The following BTBD9 variants were observed in gnomAD, a reference collection of about 807,000 sequenced individuals.
The protein encoded by BTBD9 is BTB/POZ domain-containing protein 9.
A neutral mutation model predicts 64.3 loss-of-function variants in BTBD9; 49 were observed. That is an observed-to-expected ratio of 0.76 (90% confidence interval 0.61 to 0.97). The LOEUF (loss-of-function observed/expected upper bound fraction) is 0.97. Among genes scored for constraint, BTBD9 ranks in the 50% least tolerant of loss-of-function variants. The pLI, the probability that BTBD9 is intolerant of heterozygous loss-of-function variation, is 0.00. For synonymous variants in BTBD9, 260 were observed against 274.7 expected (o/e 0.95, Z 0.53); for missense variants, 598 against 762.1 (o/e 0.78, Z 2.53).
At chr6:38,620,772 T>A (rs1237777131) in intron 1 of BTBD9, among the ~76,000 whole-genome samples, 1 of 152,130 alleles carries the variant, frequency 6.6e-6, no homozygotes, top group African/African-American at 2.4e-5. Flanking sequence ...TTGCGGGGGT[T>A]CCTTGGGATC....
chr6:38,419,645 C>T (rs1037280295), intron 6 of BTBD9, among the ~76,000 whole-genome samples: 140 of 151,894 alleles, frequency 9.2e-4, no homozygotes, highest in Non-Finnish European at 7.5e-4. Flanking sequence ...CCGAGGCGGG[C>T]GGATCACCTA....
rs1581992067 is a variant in BTBD9, at chr6:38,174,889, G to C, written c.*96C>G. 1 of 1,432,048 alleles carries C rather than the reference G, an allele frequency of 7.0e-7. No individual in the cohort carries two copies. The highest frequency in any genetic ancestry group is 2.3e-5 in the East Asian group (1 of 43,196). 88.7% of individuals were successfully genotyped at this position (1,432,048 alleles called of 1,614,324 possible). On this transcript the variant is annotated 3_prime_UTR_variant, in exon 11 of 11. Coordinates refer to ENST00000481247, the MANE Select transcript of BTBD9 (RefSeq NM_001099272.2). ...GTCGGCTCCTCCCTGGAAAGGGGCA[G>C]AGGTGGGGGCAGTCAACAGAGACCC...
chr6:38,285,755 T>A (rs923815623), intron 8 of BTBD9, among the ~76,000 whole-genome samples: 1 of 152,140 alleles, frequency 6.6e-6, no homozygotes, highest in Non-Finnish European at 1.5e-5. Flanking sequence ...CTGACTCAGA[T>A]GAGTTACACC....
At chr6:38,411,993 A>G (rs533902048) in intron 6 of BTBD9, among the ~76,000 whole-genome samples, 18 of 152,130 alleles carry the variant, frequency 1.2e-4, no homozygotes, top group Non-Finnish European at 2.4e-4. Flanking sequence ...ATATATGTAC[A>G]CACACATATA....
chr6:38,378,816 G>C (rs1249525392), intron 6 of BTBD9, among the ~76,000 whole-genome samples: 1 of 149,604 alleles, frequency 6.7e-6, no homozygotes, highest in Non-Finnish European at 1.5e-5. Flanking sequence ...GGAGGTTGCA[G>C]TGAGCCGATA....
chr6:38,247,617 CAA>C (rs1379610308), intron 9 of BTBD9, among the ~76,000 whole-genome samples: 1 of 152,168 alleles, frequency 6.6e-6, no homozygotes, highest in African/African-American at 2.4e-5. Flanking sequence ...TTGGAGAGGG[CAA>C]ACTCAGATGG....
chr6:38,626,064 T>C (rs912950021), intron 1 of BTBD9, among the ~76,000 whole-genome samples: 1 of 152,246 alleles, frequency 6.6e-6, no homozygotes, highest in South Asian at 2.1e-4. Flanking sequence ...ACTTTCAATT[T>C]GTTGGACTGA....
At chr6:38,362,186 T>C (rs1299710577) in intron 6 of BTBD9, among the ~76,000 whole-genome samples, 1 of 152,240 alleles carries the variant, frequency 6.6e-6, no homozygotes, top group African/African-American at 2.4e-5. Context: ...ACATATTTTA[T>C]GTAATTTCTC....
At chr6:38,258,662 G>A (rs1045459579) in intron 8 of BTBD9, among the ~76,000 whole-genome samples, 1 of 152,164 alleles carries the variant, frequency 6.6e-6, no homozygotes, top group Non-Finnish European at 1.5e-5. Context: ...AGGCCAAGGC[G>A]GGTGGATCAT....
intron 1 of BTBD9, among the ~76,000 whole-genome samples, chr6:38,602,410 C>A (rs528996441): frequency 6.6e-6 from 1 of 151,160 alleles, no homozygotes; most frequent in African/African-American, 2.4e-5. Flanking sequence ...AAGTTAGATA[C>A]TAATGAACAA....
intron 7 of BTBD9, among the ~76,000 whole-genome samples, chr6:38,289,771 A>G (rs984802717): frequency 2.6e-5 from 4 of 152,182 alleles, no homozygotes; most frequent in Admixed American, 1.3e-4. Flanking sequence ...ACTCAAGTCT[A>G]TATCAACCTG....
chr6:38,638,889 G>T (rs1778622638), intron 1 of BTBD9, among the ~76,000 whole-genome samples: 1 of 152,166 alleles, frequency 6.6e-6, no homozygotes, highest in Non-Finnish European at 1.5e-5. Flanking sequence ...CCATGATAGA[G>T]TCCAGAGCAC....
chr6:38,406,723 G>A (rs748332397), intron 6 of BTBD9, among the ~76,000 whole-genome samples: 1 of 152,140 alleles, frequency 6.6e-6, no homozygotes, highest in South Asian at 2.1e-4. Context: ...GTAGGACAAA[G>A]TACTTTCTTA....
intron 9 of BTBD9, among the ~76,000 whole-genome samples, chr6:38,250,706 T>C (rs559356910): frequency 2.6e-5 from 4 of 151,950 alleles, no homozygotes; most frequent in East Asian, 1.9e-4. Context: ...ATGAGGGAAA[T>C]GTAGTGGGTG....
At chr6:38,566,387 C>T (rs542147972) in intron 6 of BTBD9, among the ~76,000 whole-genome samples, 3 of 152,224 alleles carry the variant, frequency 2.0e-5, no homozygotes, top group South Asian at 2.1e-4. Flanking sequence ...ACCTTTATTT[C>T]GGGCAAATAT....
chr6:38,478,747 A>G (rs891103241), intron 6 of BTBD9, among the ~76,000 whole-genome samples: 6 of 152,226 alleles, frequency 3.9e-5, no homozygotes, highest in Non-Finnish European at 5.9e-5. Context: ...TTTTCCTTGG[A>G]GAAGGGAAGA....
chr6:38,625,308 T>C (rs1699003), intron 1 of BTBD9, among the ~76,000 whole-genome samples: 106,268 of 152,150 alleles, frequency 0.7, 38,401 homozygotes, highest in African/African-American at 0.9. Flanking sequence ...TTAAAGGCCA[T>C]ATGCCAAAGT....
At chr6:38,571,502 G>A (rs1582651351) in intron 6 of BTBD9, among the ~76,000 whole-genome samples, 1 of 152,212 alleles carries the variant, frequency 6.6e-6, no homozygotes, top group East Asian at 1.9e-4. Context: ...CAGGAATGAG[G>A]GGGGCCTAGA....
chr6:38,425,927 TAC>T (rs61016424), intron 6 of BTBD9, among the ~76,000 whole-genome samples: 4,544 of 136,852 alleles, frequency 0.033, 160 homozygotes, highest in African/African-American at 0.078. Context: ...AAGAAACACA[TAC>T]ACACACACAC....
Sources: allele counts gnomAD v4.1 joint callset (sites outside exome capture counted in the v4.1 genomes callset), GRCh38; gene constraint gnomAD v4.1.1; transcripts MANE v1.5; gene names NCBI Gene and HGNC (gene_info 2026-07-23, HGNC 2026-07-21).